TSPO: variants seen among roughly 807,000 people sequenced by gnomAD.
The protein encoded by TSPO is benzodiazepine peripheral binding site.
In TSPO, 14 loss-of-function variants were observed where a neutral mutation model predicts 13.9. The ratio of observed to expected loss-of-function variants is 1.01; its 90% confidence interval spans 0.67 to 1.58. TSPO has a LOEUF of 1.58. Among genes scored for constraint, TSPO ranks in the 40% most tolerant of loss-of-function variants. TSPO has a pLI of 0.00. For missense variants in TSPO, 232 were observed against 229.6 expected (o/e 1.01, Z -0.07); for synonymous variants, 114 against 105.9 (o/e 1.08, Z -0.47).
intron 3 of TSPO, 53 bp from the exon 4 acceptor site, chr22:43,162,750 G>A: frequency 6.8e-7 from 1 of 1,469,704 alleles, no homozygotes; most frequent in Non-Finnish European, 9.1e-7. Context: ...ACAGGCACTT[G>A]GGTGAACGCG....
chr22:43,155,846 G>T (rs1931234149), intron 1 of TSPO, among the ~76,000 whole-genome samples: 1 of 152,202 alleles, frequency 6.6e-6, no homozygotes, highest in Non-Finnish European at 1.5e-5. Flanking sequence ...TGCCATGTGT[G>T]CCCCCTGGCC....
chr22:43,159,143 G>T, intron 1 of TSPO, 67 bp from the exon 2 acceptor site: 1 of 1,267,964 alleles, frequency 7.9e-7, no homozygotes. Context: ...CGGGGATGCT[G>T]GAGGAGACAC....
At chr22:43,154,795 C>A (rs189418047) in intron 1 of TSPO, among the ~76,000 whole-genome samples, 2 of 152,108 alleles carry the variant, frequency 1.3e-5, no homozygotes, top group African/African-American at 2.4e-5. Flanking sequence ...CTGGGGTCTT[C>A]GGGCCAGGAG....
Position 43,162,971 on chromosome 22 carries a change from G to T in TSPO, c.490G>T (p.Gly164Ter). 6.3e-7 allele frequency: 1 copy of T among 1,585,960 alleles called. No individual in the cohort carries two copies. Among genetic ancestry groups the T allele is most frequent in the Non-Finnish European group, 8.6e-7 (1 of 1,167,034 alleles). Residue 164 changes from glycine to a stop codon, truncating the protein, a stop_gained, in exon 4 of 4, where the codon GGA becomes TGA. Transcript: ENST00000337554. LOFTEE classifies it high-confidence loss of function. Reference protein sequence around the residue: ...VWRDNHGWRGGRRLPE With the variant: ...VWRDNHGWRG ...GCGGGACAACCATGGCTGGCGTGGG[G>T]GACGGCGGCTGCCAGAGTGAGTGCC...
chr22:43,157,828 C>T (rs960611276), intron 1 of TSPO, among the ~76,000 whole-genome samples: 1 of 152,180 alleles, frequency 6.6e-6, no homozygotes, highest in African/African-American at 2.4e-5. Context: ...CAGAGCAAGA[C>T]TCTGTCTCAA....
intron 1 of TSPO, among the ~76,000 whole-genome samples, chr22:43,156,297 C>G (rs1931247485): frequency 6.6e-6 from 1 of 152,198 alleles, no homozygotes; most frequent in Non-Finnish European, 1.5e-5. Context: ...AGTGGGAACA[C>G]TGGGTGAGTC....
intron 1 of TSPO, 25 bp from the exon 2 acceptor site, chr22:43,159,185 C>T (rs1243345166): frequency 2.8e-6 from 4 of 1,452,986 alleles, no homozygotes; most frequent in Non-Finnish European, 3.7e-6. Context: ...GGAATGCCCT[C>T]ACCCAGCCCT....
chr22:43,159,134 G>C lies in TSPO; in HGVS notation c.-29-76G>C, dbSNP rs989864725. The C allele has an allele frequency of 2.5e-6, 3 of 1,202,802 alleles. No individual in the cohort carries two copies. In the South Asian group the frequency reaches 5.3e-5, roughly 21 times the overall value. 74.5% of individuals were successfully genotyped at this position (1,202,802 alleles called of 1,614,324 possible). A position where few individuals can be genotyped will look rare whatever the true frequency, so the allele number is the denominator to read the frequency against. ...TTGATCTGTGGGTGACAGGCCTTTCGGGGATGCTGGAGGAGACACGGGCCT... is the reference window on the plus strand; with the variant it reads ...TTGATCTGTGGGTGACAGGCCTTTCCGGGATGCTGGAGGAGACACGGGCCT... On this transcript the variant is annotated intron_variant, in intron 1 of 3. Coordinates refer to ENST00000337554, the MANE Select transcript of TSPO (RefSeq NM_000714.6).
chr22:43,159,884 G>A (rs1276693116), intron 2 of TSPO, among the ~76,000 whole-genome samples: 1 of 152,172 alleles, frequency 6.6e-6, no homozygotes, highest in Non-Finnish European at 1.5e-5. Context: ...TTCAGGCTCA[G>A]TCTGGCCTGA....
At chr22:43,160,364 T>A (rs568008390) in intron 2 of TSPO, among the ~76,000 whole-genome samples, 1 of 152,344 alleles carries the variant, frequency 6.6e-6, no homozygotes, top group Non-Finnish European at 1.5e-5. Context: ...GACCAGACTT[T>A]ATCCACTGAT....
intron 1 of TSPO, among the ~76,000 whole-genome samples, chr22:43,158,781 C>T (rs548754913): frequency 1.3e-5 from 2 of 152,032 alleles, no homozygotes; most frequent in South Asian, 2.1e-4. Flanking sequence ...GGATTAGACC[C>T]AAACTCTGTC....
At chr22:43,153,303 C>G (rs1326997991) in intron 1 of TSPO, among the ~76,000 whole-genome samples, 3 of 147,514 alleles carry the variant, frequency 2.0e-5, no homozygotes, top group Non-Finnish European at 3.0e-5. Context: ...GGATTACAGG[C>G]ATGAGCCACT....
chr22:43,159,426 TG>T lies in TSPO; in HGVS notation c.182+9del. On this transcript the variant is annotated splice_region_variant and intron_variant, in intron 2 of 3. Coordinates refer to ENST00000337554, the MANE Select transcript of TSPO (RefSeq NM_000714.6). ...ACGCTCTACTCAGCCATGGGGTAGG[TG>T]GGCGTGCACTGGCCTGGGGATAAGC... 1 of 1,507,560 alleles carries T rather than the reference TG, an allele frequency of 6.6e-7. No individual in the cohort carries two copies. The allele number at this position is 1,507,560 out of a possible 1,614,324, so 93.4% of individuals were successfully genotyped here.
intron 1 of TSPO, among the ~76,000 whole-genome samples, chr22:43,155,926 A>G (rs1252347743): frequency 1.3e-5 from 2 of 152,180 alleles, no homozygotes; most frequent in African/African-American, 4.8e-5. Flanking sequence ...CTGGCTCAGC[A>G]TGACTCATCA....
At chr22:43,153,336 C>CTTTTT (rs1052119233) in intron 1 of TSPO, among the ~76,000 whole-genome samples, 2 of 50,746 alleles carry the variant, frequency 3.9e-5, no homozygotes, top group African/African-American at 9.8e-5. Flanking sequence ...TTTGTGTTTT[C>CTTTTT]TTTTTTTTTT....
chr22:43,159,578 T>C, intron 2 of TSPO, 158 bp downstream of exon 2: 3 of 785,636 alleles, frequency 3.8e-6, no homozygotes, highest in Non-Finnish European at 5.5e-6. Context: ...GGCCTGTCGA[T>C]TGCACAACTG....
chr22:43,155,193 G>C (rs946105946), intron 1 of TSPO, among the ~76,000 whole-genome samples: 2 of 152,184 alleles, frequency 1.3e-5, no homozygotes, highest in Non-Finnish European at 2.9e-5. Flanking sequence ...TCCTCATCTG[G>C]AAAATGGGAC....
chr22:43,158,612 T>G (rs1179163049), intron 1 of TSPO, among the ~76,000 whole-genome samples: 2 of 151,860 alleles, frequency 1.3e-5, no homozygotes, highest in Non-Finnish European at 2.9e-5. Flanking sequence ...CTGGGGCCCG[T>G]GTGGGGTGCT....
At position 43,152,866 on chromosome 22, in the gene TSPO, A is replaced by T. The variant is rs193034819; in HGVS notation, c.-30+1262A>T. Among the ~76,000 whole-genome samples the T allele has an allele frequency of 1.4e-4, 22 of 152,290 alleles. No individual in the cohort carries two copies. In the East Asian group the frequency reaches 4.3e-3, roughly 29 times the overall value. On this transcript the variant is annotated intron_variant, in intron 1 of 3. Coordinates refer to ENST00000337554, the MANE Select transcript of TSPO (RefSeq NM_000714.6). ...ACATGTGCTGTGTCCTGTCGTCTGT[A>T]CACACTTGTGCCTGGCGTGAGGCAG...
Sources: gnomAD v4.1 joint callset for allele counts (sites outside exome capture counted in the v4.1 genomes callset) on GRCh38, gnomAD v4.1.1 for gene constraint, MANE v1.5 for transcripts, NCBI Gene and HGNC (gene_info 2026-07-23, HGNC 2026-07-21) for gene names.